The following PIP5K1B variants were observed in gnomAD, a reference collection of about 807,000 sequenced individuals.
PIP5K1B encodes the protein phosphatidylinositol-4-phosphate 5-kinase type 1 beta, also known as phosphatidylinositol 4-phosphate 5-kinase type-1 beta.
A neutral mutation model predicts 67.0 loss-of-function variants in PIP5K1B; 42 were observed. The ratio of observed to expected loss-of-function variants is 0.63; its 90% CI spans 0.49 to 0.81. The LOEUF is 0.81. PIP5K1B is among the 30% of genes least tolerant of loss of function. The pLI is 0.00. For synonymous variants in PIP5K1B, 214 were observed against 231.4 expected (o/e 0.92, Z 0.68); for missense variants, 459 against 646.3 (o/e 0.71, Z 3.14).
chr9:68,790,677 T>C (rs1471844692), intron 2 of PIP5K1B, among the ~76,000 whole-genome samples: 1 of 152,194 alleles, frequency 6.6e-6, no homozygotes, highest in Middle Eastern at 3.2e-3. Context: ...CATATTTAGC[T>C]TTCCTGCCAC....
At chr9:68,774,925 TTCAAC>T (rs1358171926) in intron 2 of PIP5K1B, among the ~76,000 whole-genome samples, 11 of 152,240 alleles carry the variant, frequency 7.2e-5, no homozygotes, top group African/African-American at 2.4e-5. Context: ...GATCAACTTC[TTCAAC>T]TCTGCTAGAA....
chr9:68,711,075 A>G lies in PIP5K1B; in HGVS notation c.-243+5313A>G, dbSNP rs540545387. Among the ~76,000 whole-genome samples the G allele has an allele frequency of 2.6e-5, 4 of 152,314 alleles. No individual in the cohort carries two copies. The East Asian group carries it at 7.7e-4, about 29-fold the overall frequency. ...GTTCAGACAGGACTGCAGAAAGTTCATTCAGTTTGTAAGAGAAAAGGTGAT... is the reference window on the plus strand; with the variant it reads ...GTTCAGACAGGACTGCAGAAAGTTCGTTCAGTTTGTAAGAGAAAAGGTGAT... On this transcript the variant is annotated intron_variant, in intron 1 of 15. Coordinates refer to ENST00000265382, the MANE Select transcript of PIP5K1B (RefSeq NM_003558.4).
chr9:68,735,484 G>T (rs62552061), intron 1 of PIP5K1B, among the ~76,000 whole-genome samples: 2 of 151,794 alleles, frequency 1.3e-5, no homozygotes, highest in Non-Finnish European at 2.9e-5. Flanking sequence ...TGACTCCCGG[G>T]TTCAAGCTAT....
intron 2 of PIP5K1B, among the ~76,000 whole-genome samples, chr9:68,808,600 A>G (rs763277658): frequency 1.3e-5 from 2 of 152,228 alleles, no homozygotes; most frequent in African/African-American, 2.4e-5. Context: ...AATGTTTGCA[A>G]TGAAGGCTTG....
chr9:68,922,641 T>G (rs539591434), intron 11 of PIP5K1B, among the ~76,000 whole-genome samples: 13 of 152,262 alleles, frequency 8.5e-5, no homozygotes, highest in African/African-American at 2.9e-4. Context: ...TCTATCCCCT[T>G]TCCTGGATTT....
chr9:68,936,253 G>A (rs1312913693), intron 13 of PIP5K1B, among the ~76,000 whole-genome samples: 1 of 152,160 alleles, frequency 6.6e-6, no homozygotes, highest in East Asian at 1.9e-4. Context: ...AGACAGCCTT[G>A]CTTTGTCCTG....
At chr9:68,799,087 T>C (rs1260763754) in intron 2 of PIP5K1B, among the ~76,000 whole-genome samples, 1 of 152,240 alleles carries the variant, frequency 6.6e-6, no homozygotes, top group Admixed American at 6.5e-5. Flanking sequence ...AGGACCTATC[T>C]CTAATATGTT....
intron 14 of PIP5K1B, among the ~76,000 whole-genome samples, chr9:68,979,493 T>C (rs1325301120): frequency 2.4e-5 from 1 of 42,478 alleles, no homozygotes; most frequent in Non-Finnish European, 5.6e-5. Flanking sequence ...TGAACTTGGA[T>C]GAGGGTTCCT....
At chr9:68,876,914 G>A (rs1169888156) in intron 6 of PIP5K1B, 120 bp downstream of exon 6, 1 of 600,084 alleles carries the variant, frequency 1.7e-6, no homozygotes, top group African/African-American at 1.9e-5. Flanking sequence ...CGTAGTAAAA[G>A]TTCCAAGTTT....
intron 7 of PIP5K1B, 69 bp from the exon 8 acceptor site, chr9:68,894,270 A>T: frequency 1.1e-6 from 1 of 941,702 alleles, no homozygotes; most frequent in Non-Finnish European, 1.6e-6. Context: ...ATGAAAACAC[A>T]TCTTTAGTGG....
chr9:68,815,039 A>G (rs1833366298), intron 2 of PIP5K1B, among the ~76,000 whole-genome samples: 1 of 152,134 alleles, frequency 6.6e-6, no homozygotes, highest in Admixed American at 6.5e-5. Flanking sequence ...TTTTTATCCC[A>G]CTGTGATAAA....
chr9:68,923,509 A>T (rs1349207436), intron 12 of PIP5K1B, 123 bp downstream of exon 12: 1 of 578,918 alleles, frequency 1.7e-6, no homozygotes, highest in Non-Finnish European at 3.0e-6. Context: ...CTTAGTAATT[A>T]TGGTTAAGTA....
At position 68,869,658 on chromosome 9, in the gene PIP5K1B, G is replaced by A. The variant is rs1461979736; in HGVS notation, c.200+5691G>A. Among the ~76,000 whole-genome samples the A allele has an allele frequency of 2.0e-5, 3 of 152,258 alleles. No individual in the cohort carries two copies. In the East Asian group the frequency reaches 5.8e-4, roughly 29 times the overall value. On this transcript the variant is annotated intron_variant, in intron 5 of 15. Coordinates refer to ENST00000265382, the MANE Select transcript of PIP5K1B (RefSeq NM_003558.4). ...AGAGACTGTATGGCCCACAGAGCTCGAAATATTATCTGGCCCTTTATAGAA... is the reference window on the plus strand; with the variant it reads ...AGAGACTGTATGGCCCACAGAGCTCAAAATATTATCTGGCCCTTTATAGAA...
chr9:68,765,165 G>A (rs1289926450), intron 2 of PIP5K1B, among the ~76,000 whole-genome samples: 5 of 151,996 alleles, frequency 3.3e-5, no homozygotes, highest in South Asian at 4.2e-4. Flanking sequence ...TGTTCATAAT[G>A]GGTGCTTATT....
At chr9:68,788,730 T>C in intron 2 of PIP5K1B, 1 of 267,966 alleles carries the variant, frequency 3.7e-6, no homozygotes. Flanking sequence ...TTTGGGCATC[T>C]GGCTGGTGAC....
At chr9:68,998,421 G>A (rs979449957) in intron 15 of PIP5K1B, among the ~76,000 whole-genome samples, 5 of 152,294 alleles carry the variant, frequency 3.3e-5, no homozygotes, top group South Asian at 2.1e-4. Flanking sequence ...ACATCCAGGC[G>A]CGGGTTGCCC....
Position 68,919,665 on chromosome 9 carries a change from T to G in PIP5K1B, c.1068-16T>G, listed in dbSNP as rs1826269247. The G allele has an allele frequency of 6.6e-6, 10 of 1,509,864 alleles. No individual in the cohort carries two copies. Among genetic ancestry groups the G allele is most frequent in the Non-Finnish European group, 9.2e-6 (10 of 1,089,126 alleles). The allele number at this position is 1,509,864 out of a possible 1,614,324, so 93.5% of individuals were successfully genotyped here. ...TGATTTTACATTCTCATTTCAATTT[T>G]TCCATTTATATTTAGGTTAATGAAG... On this transcript the variant is annotated splice_polypyrimidine_tract_variant and intron_variant, in intron 10 of 15. Coordinates refer to ENST00000265382, the MANE Select transcript of PIP5K1B (RefSeq NM_003558.4).
rs1833205459 is a variant in PIP5K1B at position 68,812,186 on chromosome 9, T to C, written c.-85-6275T>C. On this transcript the variant is annotated intron_variant, in intron 2 of 15. Transcript: ENST00000265382. ...CATCCCATGGACTTTATAGGACACT[T>C]ACAAGTGTCAAAATAGCACATGTTA... 2.0e-5 allele frequency among the ~76,000 whole-genome samples: 3 copies of C among 152,246 alleles called. No homozygotes were observed. The South Asian group carries it at 6.2e-4, about 32-fold the overall frequency.
intron 14 of PIP5K1B, among the ~76,000 whole-genome samples, chr9:68,945,163 T>C (rs997461167): frequency 6.6e-6 from 1 of 152,284 alleles, no homozygotes; most frequent in South Asian, 2.1e-4. Context: ...TTTGGGTTTT[T>C]TTGAGAGAGT....
Sources: gnomAD v4.1 joint callset for allele counts (sites outside exome capture counted in the v4.1 genomes callset) on GRCh38, gnomAD v4.1.1 for gene constraint, MANE v1.5 for transcripts, NCBI Gene and HGNC (gene_info 2026-07-23, HGNC 2026-07-21) for gene names.